RSKR: variants seen among roughly 807,000 people sequenced by gnomAD.
The protein encoded by RSKR is ribosomal protein S6 kinase related.
In RSKR, 44 loss-of-function variants were observed where a neutral mutation model predicts 56.8. The observed-to-expected ratio is 0.77, with a 90% confidence interval of 0.61 to 1.00. RSKR has a LOEUF of 1.00. Among genes scored for constraint, RSKR ranks in the 50% least tolerant of loss-of-function variants. The pLI is 0.00. For missense variants in RSKR, 510 were observed against 506.9 expected (o/e 1.01, Z -0.06); for synonymous variants, 181 against 188.0 (o/e 0.96, Z 0.30).
Position 28,613,296 on chromosome 17 carries a change from AGCACCTT to A in RSKR, c.367_373del (p.Lys123Ter), listed in dbSNP as rs757527044. On this transcript the variant is annotated frameshift_variant, in exon 3 of 12. Coordinates refer to ENST00000301037, the MANE Select transcript of RSKR (RefSeq NM_001174103.2). LOFTEE classifies it high-confidence loss of function. ...AAATACAGCTTTCTGGGTGCAATCT[AGCACCTT>A]GAGGACAGTTCCAAAGGAGCCTTTA... The A allele has an allele frequency of 5.3e-5, 85 of 1,614,208 alleles. No individual in the cohort carries two copies. In the South Asian group the frequency reaches 9.1e-4, roughly 17 times the overall value.
intron 11 of RSKR, 191 bp downstream of exon 11, chr17:28,610,952 T>A (rs1597606658): frequency 1.5e-6 from 1 of 655,650 alleles, no homozygotes; most frequent in Non-Finnish European, 2.6e-6. Context: ...CTGTTCTAGA[T>A]GGGGAGGAGA....
intron 11 of RSKR, 108 bp downstream of exon 11, chr17:28,611,035 A>G: frequency 1.0e-6 from 1 of 979,180 alleles, no homozygotes; most frequent in Non-Finnish European, 1.5e-6. Flanking sequence ...GTTAAGTTGG[A>G]GCCCCCTCAA....
rs1191921906 is a variant in RSKR at position 28,611,626 on chromosome 17, G to A, written c.752C>T (p.Ser251Phe). The change falls in exon 9 of 12, where the codon TCC becomes TTC. Residue 251 changes from serine to phenylalanine, a missense_variant. Coordinates refer to ENST00000301037, the MANE Select transcript of RSKR (RefSeq NM_001174103.2). ...TTGAGCTCCCTGGGGCACGTGGCGGGACAGACCAAAGTCTGTCAGTTTCAG... is the reference window on the plus strand; with the variant it reads ...TTGAGCTCCCTGGGGCACGTGGCGGAACAGACCAAAGTCTGTCAGTTTCAG... ...GHLKLTDFGLSRHVPQGAQAY... is the reference protein window; with the variant it reads ...GHLKLTDFGLFRHVPQGAQAY... The A allele has an allele frequency of 1.9e-6, 3 of 1,577,748 alleles. No individual in the cohort carries two copies. The highest frequency in any genetic ancestry group is 1.7e-6 in the Non-Finnish European group (2 of 1,163,194).
Position 28,614,171 on chromosome 17 carries a change from C to A in RSKR, c.-10G>T, listed in dbSNP as rs1420222687. The A allele has an allele frequency of 2.5e-6, 4 of 1,613,154 alleles. No homozygotes were observed. Among genetic ancestry groups the A allele is most frequent in the Non-Finnish European group, 3.4e-6 (4 of 1,179,974 alleles). ...AGCTTACTGCTCCCATTCCCAGCCT[C>A]TGCCTCCTCTCTCTGCTAAATCTGC... On this transcript the variant is annotated 5_prime_UTR_variant, in exon 1 of 12. Coordinates refer to ENST00000301037, the MANE Select transcript of RSKR (RefSeq NM_001174103.2).
At position 28,610,586 on chromosome 17, in the gene RSKR, G is replaced by T; in HGVS notation, c.1125C>A (p.Asn375Lys). Residue 375 changes from asparagine (N) to lysine (K), a missense_variant, in exon 12 of 12, where the codon AAC becomes AAA. Physicochemically the swap from Asn to Lys is moderately conservative, Grantham distance 94. Transcript: ENST00000301037. ...DPELLQKQPV[N>K]FVTETQATQP... ...GGGTAGCTTGTGTCTCCGTGACAAA[G>T]TTCACTGGCTGCTTCTGTAGGAGCT... 6.5e-7 allele frequency: 1 copy of T among 1,536,050 alleles called. No homozygotes were observed. The highest frequency in any genetic ancestry group is 8.7e-7 in the Non-Finnish European group (1 of 1,146,906).
In RSKR at chr17:28,610,225, A is replaced by G. The variant is rs934082787; in HGVS notation, c.*253T>C. 1.1e-5 allele frequency: 5 copies of G among 469,284 alleles called. No homozygotes were observed. The highest frequency in any genetic ancestry group is 7.8e-5 in the African/African-American group (4 of 51,524). 29.1% of individuals were successfully genotyped at this position (469,284 alleles called of 1,614,324 possible). A position where few individuals can be genotyped will look rare whatever the true frequency, so the allele number is the denominator to read the frequency against. On this transcript the variant is annotated 3_prime_UTR_variant, in exon 12 of 12. Transcript: ENST00000301037. Reference sequence around the variant, plus strand: ...GTAAAGAGCACTGGAGAAGTAAAGAAAAGGAAAAGGTCACCACCCTGATCT... The same window carrying G: ...GTAAAGAGCACTGGAGAAGTAAAGAGAAGGAAAAGGTCACCACCCTGATCT...
intron 1 of RSKR, 91 bp from the exon 2 acceptor site, chr17:28,613,779 C>T (rs966946745): frequency 3.5e-5 from 54 of 1,549,898 alleles, no homozygotes; most frequent in Non-Finnish European, 4.5e-5. Flanking sequence ...CCTTAAGTCT[C>T]AACCCCTAGA....
rs1323294528 is a variant in RSKR at position 28,609,225 on chromosome 17, G to A, written c.*1253C>T. On this transcript the variant is annotated 3_prime_UTR_variant, in exon 12 of 12. Transcript: ENST00000301037. Reference sequence around the variant, plus strand: ...AGCTAATTTTTGTATTTTTTTAGTAGACACAAGGTTTCACCATGTTGGCCA... The same window carrying A: ...AGCTAATTTTTGTATTTTTTTAGTAAACACAAGGTTTCACCATGTTGGCCA... The A allele has an allele frequency of 6.6e-6, 1 of 151,454 alleles. No homozygotes were observed. The highest frequency in any genetic ancestry group is 1.9e-4 in the East Asian group (1 of 5,156). 9.4% of individuals were successfully genotyped at this position (151,454 alleles called of 1,614,324 possible). A position where few individuals can be genotyped will look rare whatever the true frequency, so the allele number is the denominator to read the frequency against.
At position 28,610,714 on chromosome 17, in the gene RSKR, A is replaced by T. The variant is rs1347250193; in HGVS notation, c.1012-15T>A. The T allele has an allele frequency of 1.3e-6, 2 of 1,534,948 alleles. No individual in the cohort carries two copies. Among genetic ancestry groups the T allele is most frequent in the African/African-American group, 2.7e-5 (2 of 73,026 alleles). ...TGGCATAAGAGCTGAAGGAAAATAG[A>T]GCATGAAGGATGAGTGACTAGGACA... On this transcript the variant is annotated splice_polypyrimidine_tract_variant and intron_variant, in intron 11 of 11. Transcript: ENST00000301037.
rs769627476 is a variant in RSKR, at chr17:28,613,657, C to CG, written c.106dup (p.Arg36ProfsTer64). ...ACCTGTCCAGAGGCTCTTCCAGCCT[C>CG]GGGCCCAGGGACCCCGGATGTTGCC... On this transcript the variant is annotated frameshift_variant, in exon 2 of 12. Coordinates refer to ENST00000301037, the MANE Select transcript of RSKR (RefSeq NM_001174103.2). LOFTEE classifies it high-confidence loss of function. 5 of 1,614,132 alleles carry CG rather than the reference C, an allele frequency of 3.1e-6. No individual in the cohort carries two copies. In the South Asian group the frequency reaches 5.5e-5, roughly 18 times the overall value.
chr17:28,610,604 T>C lies in RSKR; in HGVS notation c.1107A>G (p.Leu369=), dbSNP rs1209151523. 2.0e-6 allele frequency: 3 copies of C among 1,535,720 alleles called. No individual in the cohort carries two copies. The highest frequency in any genetic ancestry group is 1.7e-6 in the Non-Finnish European group (2 of 1,146,830). ...TGACAAAGTTCACTGGCTGCTTCTGTAGGAGCTCTGGGTCGAAGGCCACAC... is the reference window on the plus strand; with the variant it reads ...TGACAAAGTTCACTGGCTGCTTCTGCAGGAGCTCTGGGTCGAAGGCCACAC... ...FRGVAFDPEL[L]QKQPVNFVTE... The change falls in exon 12 of 12, where the codon CTA becomes CTG. Residue 369 remains leucine (L), a synonymous_variant. Transcript: ENST00000301037.
Position 28,611,435 on chromosome 17 carries a change from C to T in RSKR, c.858G>A (p.Trp286Ter). ...SGGPYNHAAD[W>*]WSLGVLLFSL... ...AGAAAAGCAAGACACCCAGGGACCA[C>T]CAATCAGCAGCATGGTTGTAAGGTC... The change falls in exon 10 of 12, where the codon TGG becomes TGA. Residue 286 changes from tryptophan (W) to a stop codon, truncating the protein, a stop_gained. Transcript: ENST00000301037. LOFTEE classifies it high-confidence loss of function. The T allele has an allele frequency of 6.2e-7, 1 of 1,604,604 alleles. No individual in the cohort carries two copies. Among genetic ancestry groups the T allele is most frequent in the Non-Finnish European group, 8.5e-7 (1 of 1,179,294 alleles).
chr17:28,612,833 TATCTGGTA>T lies in RSKR; in HGVS notation c.478-154_478-147del, dbSNP rs1372663536. ...GAGGAACTCAATATTTGGAACTGAC[TATCTGGTA>T]ATCCTAGAACCAGCAAATACTAAGG... On this transcript the variant is annotated intron_variant, in intron 4 of 11. Transcript: ENST00000301037. The T allele has an allele frequency of 2.1e-5, 17 of 806,064 alleles. No homozygotes were observed. The African/African-American group carries it at 2.7e-4, about 13-fold the overall frequency. The allele number at this position is 806,064 out of a possible 1,614,324, so 49.9% of individuals were successfully genotyped here.
rs748759443 is a variant in RSKR at position 28,612,635 on chromosome 17, T to C, written c.530A>G (p.Lys177Arg). Reference protein sequence around the residue: ...VHSLGDSWQGKRHLFIMCSYC... With the variant: ...VHSLGDSWQGRRHLFIMCSYC... ...TCACTCACTAATGAAAAGGTGCCGT[T>C]TTCCCTGCCAGCTGTCCCCCAAGCT... is the stretch of plus-strand genomic sequence containing the variant. Residue 177 changes from lysine to arginine, a missense_variant, in exon 5 of 12, where the codon AAA becomes AGA. Lys to Arg is a conservative substitution (Grantham distance 26). Transcript: ENST00000301037. 6.2e-7 allele frequency: 1 copy of C among 1,614,084 alleles called. No homozygotes were observed. The highest frequency in any genetic ancestry group is 1.1e-5 in the South Asian group (1 of 91,076).
rs774707289 is a variant in RSKR at position 28,613,021 on chromosome 17, C to G, written c.477+57G>C. On this transcript the variant is annotated intron_variant, in intron 4 of 11. Coordinates refer to ENST00000301037, the MANE Select transcript of RSKR (RefSeq NM_001174103.2). ...GAAAAGAAGGTGGGCAAGAAAGGTA[C>G]TTTCCCTACCTGTGGCCTAGCTCTT... 21 of 1,574,622 alleles carry G rather than the reference C, an allele frequency of 1.3e-5. No homozygotes were observed. In the South Asian group the frequency reaches 2.3e-4, roughly 17 times the overall value.
At position 28,614,114 on chromosome 17, in the gene RSKR, T is replaced by C. The variant is rs750144492; in HGVS notation, c.48A>G (p.Glu16=). The C allele has an allele frequency of 2.5e-6, 4 of 1,613,682 alleles. No individual in the cohort carries two copies. The highest frequency in any genetic ancestry group is 2.2e-5 in the East Asian group (1 of 44,878). Residue 16 remains glutamate (E), a synonymous_variant, in exon 1 of 12, where the codon GAA becomes GAG. Transcript: ENST00000301037. ...TGTGAGGGACAGCCACCCGGGTGTG[T>C]TCCCCCTGCTGGGTGTGCTGCCCCT... ...CRQGQHTQQG[E]HTRVAVPHKQ... is the part of the protein sequence containing the mutation.
At chr17:28,613,712 A>G (rs761985176) in intron 1 of RSKR, 24 bp from the exon 2 acceptor site, 45 of 1,612,322 alleles carry the variant, frequency 2.8e-5, no homozygotes, top group Non-Finnish European at 3.6e-5. Flanking sequence ...GAGCCACTCT[A>G]AACTTTCTGC....
chr17:28,610,625 C>T lies in RSKR; in HGVS notation c.1086G>A (p.Val362=). 1 of 1,535,980 alleles carries T rather than the reference C, an allele frequency of 6.5e-7. No homozygotes were observed. The highest frequency in any genetic ancestry group is 2.0e-5 in the Admixed American group (1 of 50,974). The part of the protein sequence containing the change: ...HFQVHPFFRG[V]AFDPELLQKQ... ...TCTGTAGGAGCTCTGGGTCGAAGGC[C>T]ACACCCCGAAAGAAAGGGTGGACCT... The change falls in exon 12 of 12, where the codon GTG becomes GTA. Residue 362 remains valine, a synonymous_variant. Coordinates refer to ENST00000301037, the MANE Select transcript of RSKR (RefSeq NM_001174103.2).
Position 28,608,994 on chromosome 17 carries a change from A to C in RSKR, c.*1484T>G, listed in dbSNP as rs1226518762. 6.6e-6 allele frequency: 1 copy of C among 151,824 alleles called. No homozygotes were observed. Among genetic ancestry groups the C allele is most frequent in the Admixed American group, 6.6e-5 (1 of 15,250 alleles). 9.4% of individuals were successfully genotyped at this position (151,824 alleles called of 1,614,324 possible). The stretch of plus-strand genomic sequence containing the variant: ...AAGGTCCAGATGATTTTCCTTACTA[A>C]AGGAAAAGGTTATTGAGATATGTCT... On this transcript the variant is annotated 3_prime_UTR_variant, in exon 12 of 12. Transcript: ENST00000301037.
Sources: allele counts gnomAD v4.1 joint callset, GRCh38; gene constraint gnomAD v4.1.1; transcripts MANE v1.5; gene names NCBI Gene and HGNC (gene_info 2026-07-23, HGNC 2026-07-21).